The following PALM2AKAP2 variants were observed in gnomAD, a reference collection of about 807,000 sequenced individuals.
The protein encoded by PALM2AKAP2 is PALM2-AKAP2 fusion protein.
A neutral mutation model predicts 71.5 loss-of-function variants in PALM2AKAP2; 37 were observed. The observed-to-expected ratio is 0.52, with a 90% CI of 0.40 to 0.68. PALM2AKAP2 has a LOEUF of 0.68. PALM2AKAP2 is among the 30% of genes least tolerant of loss of function. The pLI, the probability that PALM2AKAP2 is intolerant of heterozygous loss-of-function variation, is 0.00. For synonymous variants in PALM2AKAP2, 468 were observed against 478.8 expected (o/e 0.98, Z 0.29); for missense variants, 1,224 against 1,191.8 (o/e 1.03, Z -0.40).
At chr9:109,666,700 C>G (rs756390354) in intron 1 of PALM2AKAP2, among the ~76,000 whole-genome samples, 1 of 152,138 alleles carries the variant, frequency 6.6e-6, no homozygotes, top group Admixed American at 6.5e-5. Context: ...GGGTCTGGCA[C>G]CCTTGTTAGC....
chr9:110,091,460 T>C (rs962956478), intron 1 of PALM2AKAP2, among the ~76,000 whole-genome samples: 1 of 39,114 alleles, frequency 2.6e-5, no homozygotes, highest in African/African-American at 1.1e-4. Flanking sequence ...AGATTTATTC[T>C]TTTTTTTTTT....
intron 1 of PALM2AKAP2, among the ~76,000 whole-genome samples, chr9:109,660,953 C>G (rs1273596774): frequency 6.6e-6 from 1 of 152,154 alleles, no homozygotes; most frequent in Non-Finnish European, 1.5e-5. Flanking sequence ...CTGTTGGCTG[C>G]ATAGATGTCT....
intron 1 of PALM2AKAP2, among the ~76,000 whole-genome samples, chr9:110,080,937 T>A (rs1834435908): frequency 1.3e-5 from 2 of 152,204 alleles, no homozygotes; most frequent in South Asian, 4.1e-4. Context: ...GCCTTGGGCC[T>A]CCCAAAGTGC....
At chr9:109,916,187 A>G (rs1442907814) in intron 3 of PALM2AKAP2, among the ~76,000 whole-genome samples, 1 of 152,086 alleles carries the variant, frequency 6.6e-6, no homozygotes, top group Non-Finnish European at 1.5e-5. Flanking sequence ...CAAGTGATCC[A>G]CCCACCTTGG....
intron 6 of PALM2AKAP2, among the ~76,000 whole-genome samples, chr9:109,934,626 AC>A (rs1329146798): frequency 6.6e-6 from 1 of 152,000 alleles, no homozygotes; most frequent in Non-Finnish European, 1.5e-5. Flanking sequence ...TAGGCTGCTC[AC>A]CCCCAAAATA....
At chr9:110,157,648 C>T (rs117332096) in intron 3 of PALM2AKAP2, among the ~76,000 whole-genome samples, 2,238 of 152,248 alleles carry the variant, frequency 0.015, 27 homozygotes, top group Middle Eastern at 0.045. Context: ...GATACTCCCA[C>T]CCCAGCCTCC....
At chr9:109,719,478 C>T (rs1373627721) in intron 1 of PALM2AKAP2, among the ~76,000 whole-genome samples, 1 of 152,162 alleles carries the variant, frequency 6.6e-6, no homozygotes, top group Non-Finnish European at 1.5e-5. Flanking sequence ...ATTCTAGATT[C>T]TGATTCCATA....
At chr9:110,053,544 AAAAAGAAAAAAAG>A (rs1230604396) in intron 1 of PALM2AKAP2, among the ~76,000 whole-genome samples, 5 of 150,672 alleles carry the variant, frequency 3.3e-5, no homozygotes, top group Middle Eastern at 3.4e-3. Flanking sequence ...AAAAAAAAAA[AAAAAGAAAAAAAG>A]AAAGAAAGAA....
upstream of PALM2AKAP2, among the ~76,000 whole-genome samples, chr9:110,046,917 T>C (rs569666327): frequency 6.6e-6 from 1 of 152,190 alleles, no homozygotes; most frequent in Non-Finnish European, 1.5e-5. Context: ...AAATTCTTCC[T>C]TAGAGAGTCT....
At chr9:109,934,356 C>T (rs1831175891) in intron 6 of PALM2AKAP2, among the ~76,000 whole-genome samples, 1 of 152,198 alleles carries the variant, frequency 6.6e-6, no homozygotes, top group Non-Finnish European at 1.5e-5. Context: ...CCTTATCCTG[C>T]ACCCTGGAGC....
upstream of PALM2AKAP2, among the ~76,000 whole-genome samples, chr9:109,777,731 T>C (rs915504040): frequency 4.6e-5 from 7 of 152,184 alleles, no homozygotes; most frequent in Non-Finnish European, 1.0e-4. Context: ...TTCAGAAGCA[T>C]ATGACCCTGT....
intron 1 of PALM2AKAP2, among the ~76,000 whole-genome samples, chr9:109,694,469 C>T (rs1827939895): frequency 6.6e-6 from 1 of 151,910 alleles, no homozygotes; most frequent in African/African-American, 2.4e-5. Flanking sequence ...ATCTCATTTA[C>T]ATTAGCAACA....
At chr9:110,004,542 C>T (rs1015269712) in intron 6 of PALM2AKAP2, among the ~76,000 whole-genome samples, 1 of 152,092 alleles carries the variant, frequency 6.6e-6, no homozygotes. Flanking sequence ...ATCTTTTTGG[C>T]ATTCTCTGTA....
chr9:109,936,037 A>G (rs1272005278), intron 6 of PALM2AKAP2, among the ~76,000 whole-genome samples: 2 of 152,204 alleles, frequency 1.3e-5, no homozygotes, highest in African/African-American at 2.4e-5. Flanking sequence ...GTGTCTTGGA[A>G]AAACAATTGA....
chr9:109,978,218 TCA>T, intron 6 of PALM2AKAP2, among the ~76,000 whole-genome samples: 1 of 152,200 alleles, frequency 6.6e-6, no homozygotes, highest in South Asian at 2.1e-4. Context: ...TTCCTGGAAC[TCA>T]CAGTCTAGAA....
At chr9:109,703,319 A>G (rs1021488526) in intron 1 of PALM2AKAP2, among the ~76,000 whole-genome samples, 11 of 152,268 alleles carry the variant, frequency 7.2e-5, no homozygotes, top group Middle Eastern at 3.4e-3. Context: ...TCAGTTTGGT[A>G]TGTATTTCTG....
At chr9:109,677,998 C>T (rs1190021087) in intron 1 of PALM2AKAP2, among the ~76,000 whole-genome samples, 1 of 152,152 alleles carries the variant, frequency 6.6e-6, no homozygotes, top group African/African-American at 2.4e-5. Flanking sequence ...TACAGGGAGC[C>T]TGCAAATTGC....
intron 6 of PALM2AKAP2, among the ~76,000 whole-genome samples, chr9:110,004,710 T>C (rs186557917): frequency 1.2e-3 from 183 of 152,348 alleles, no homozygotes; most frequent in African/African-American, 4.3e-3. Context: ...CCATTTTTCT[T>C]GGAGGCTTTG....
intron 1 of PALM2AKAP2, among the ~76,000 whole-genome samples, chr9:110,049,833 G>A (rs935809137): frequency 1.5e-4 from 23 of 152,234 alleles, no homozygotes; most frequent in African/African-American, 5.5e-4. Flanking sequence ...GGCCGGGTGA[G>A]GACTGAAGGC....
Sources: gnomAD v4.1 joint callset for allele counts (sites outside exome capture counted in the v4.1 genomes callset) on GRCh38, gnomAD v4.1.1 for gene constraint, MANE v1.5 for transcripts, NCBI Gene and HGNC (gene_info 2026-07-23, HGNC 2026-07-21) for gene names.